The following XIRP2 variants were observed in gnomAD, a reference collection of about 807,000 sequenced individuals.
XIRP2 encodes xin actin binding repeat containing 2, also known as xin actin-binding repeat-containing protein 2.
XIRP2 carries 236 observed loss-of-function variants against 277.0 expected under a neutral mutation model. The observed-to-expected ratio is 0.85, with a 90% CI of 0.77 to 0.95. XIRP2 has a LOEUF of 0.95. Among genes scored for constraint, XIRP2 ranks in the 40% least tolerant of loss-of-function variants. The probability of loss-of-function intolerance (pLI) is 0.00; values close to 1 mark genes in which losing one functional copy is unlikely to be tolerated. For missense variants in XIRP2, 4,640 were observed against 4,157.5 expected, an observed-to-expected ratio of 1.12 and a Z score of -3.19; for synonymous variants, 1,490 against 1,416.5, an observed-to-expected ratio of 1.05 and a Z score of -1.17.
intron 5 of XIRP2, among the ~76,000 whole-genome samples, chr2:167,235,506 T>G (rs1446260427): frequency 6.6e-6 from 1 of 152,004 alleles, no homozygotes; most frequent in Non-Finnish European, 1.5e-5. Flanking sequence ...CTATCTACTG[T>G]GTACCTGGAA....
intron 2 of XIRP2, among the ~76,000 whole-genome samples, chr2:167,064,751 A>C (rs1689260720): frequency 6.6e-6 from 1 of 151,936 alleles, no homozygotes; most frequent in Non-Finnish European, 1.5e-5. Context: ...GAGGTCACAC[A>C]GCATTTGTCT....
At chr2:167,253,996 A>G (rs1695588944) in intron 9 of XIRP2, 36 bp from the exon 10 acceptor site, 1 of 1,536,836 alleles carries the variant, frequency 6.5e-7, no homozygotes, top group African/African-American at 1.4e-5. Flanking sequence ...GATTGAAGAT[A>G]ACACTACAGA....
At chr2:167,097,973 C>T (rs1354883059) in intron 2 of XIRP2, among the ~76,000 whole-genome samples, 2 of 152,118 alleles carry the variant, frequency 1.3e-5, no homozygotes, top group Non-Finnish European at 1.5e-5. Context: ...CTCTGGCTGC[C>T]CTTAACATTT....
intron 2 of XIRP2, among the ~76,000 whole-genome samples, chr2:166,952,076 A>G (rs1011261893): frequency 7.9e-5 from 12 of 152,050 alleles, no homozygotes; most frequent in Admixed American, 7.9e-4. Context: ...AAATGAGTCA[A>G]TAAAGGAAGC....
chr2:167,202,672 T>C (rs184433939), intron 3 of XIRP2, among the ~76,000 whole-genome samples: 320 of 152,308 alleles, frequency 2.1e-3, no homozygotes, highest in Non-Finnish European at 3.8e-3. Context: ...ATGTAGCAAT[T>C]TGTGACTTGG....
At chr2:167,073,094 C>T (rs1689474912) in intron 2 of XIRP2, among the ~76,000 whole-genome samples, 1 of 152,046 alleles carries the variant, frequency 6.6e-6, no homozygotes, top group African/African-American at 2.4e-5. Flanking sequence ...AAGGCTGTTA[C>T]AACATTTTAT....
chr2:167,011,969 C>T (rs949288216), intron 2 of XIRP2, among the ~76,000 whole-genome samples: 3 of 151,918 alleles, frequency 2.0e-5, no homozygotes, highest in African/African-American at 7.3e-5. Context: ...CTCTTTTCTT[C>T]TTTATTAGTC....
chr2:167,144,466 G>A (rs188473120), intron 3 of XIRP2, among the ~76,000 whole-genome samples: 2 of 151,582 alleles, frequency 1.3e-5, no homozygotes, highest in East Asian at 1.9e-4. Flanking sequence ...ACAGCCAGTC[G>A]TTCTATTTTT....
At chr2:167,147,275 T>C (rs1244595232) in intron 3 of XIRP2, among the ~76,000 whole-genome samples, 1 of 152,146 alleles carries the variant, frequency 6.6e-6, no homozygotes, top group Non-Finnish European at 1.5e-5. Context: ...AAGGGTTAAC[T>C]TAGCAGGCTT....
At chr2:167,145,997 G>T (rs16853039) in intron 3 of XIRP2, among the ~76,000 whole-genome samples, 12 of 152,018 alleles carry the variant, frequency 7.9e-5, no homozygotes, top group African/African-American at 2.7e-4. Flanking sequence ...TATTGAGCTG[G>T]ATTAAAATAT....
In XIRP2 at chr2:167,183,796, G is replaced by A. The variant is rs112540709; in HGVS notation, c.563-26939G>A. 2.6e-3 allele frequency among the ~76,000 whole-genome samples: 385 copies of A among 150,332 alleles called. 4 individuals carry two copies. Among genetic ancestry groups the A allele is most frequent in the African/African-American group, 9.0e-3 (366 of 40,744 alleles). On this transcript the variant is annotated intron_variant, in intron 3 of 10. Coordinates refer to ENST00000409195, the MANE Select transcript of XIRP2 (RefSeq NM_152381.6). ...AATATTCTGTCTCTTTGCATGCTTA[G>A]TACTTTTATAATTGAAAGTAAGCAG...
intron 3 of XIRP2, among the ~76,000 whole-genome samples, chr2:167,151,198 T>C (rs1692005749): frequency 6.6e-6 from 1 of 152,138 alleles, no homozygotes; most frequent in African/African-American, 2.4e-5. Flanking sequence ...TTGCCTGAAT[T>C]GTTTGCATTC....
At chr2:166,900,689 C>T (rs1257386760) in intron 1 of XIRP2, among the ~76,000 whole-genome samples, 1 of 152,062 alleles carries the variant, frequency 6.6e-6, no homozygotes, top group Non-Finnish European at 1.5e-5. Flanking sequence ...CCTCCAATGC[C>T]ATCACCCCTG....
chr2:167,163,356 A>G (rs73019983), intron 3 of XIRP2, among the ~76,000 whole-genome samples: 15,045 of 152,234 alleles, frequency 0.099, 793 homozygotes, highest in South Asian at 0.15. Flanking sequence ...AATTTCAGCC[A>G]TTCAAGTGGA....
chr2:167,176,791 T>C (rs948757143), intron 3 of XIRP2, among the ~76,000 whole-genome samples: 2 of 152,200 alleles, frequency 1.3e-5, no homozygotes, highest in African/African-American at 2.4e-5. Context: ...GTGAGTGGAA[T>C]TGGAATCATT....
intron 2 of XIRP2, among the ~76,000 whole-genome samples, chr2:167,067,641 A>T (rs567167435): frequency 7.3e-6 from 1 of 137,914 alleles, no homozygotes; most frequent in East Asian, 2.0e-4. Flanking sequence ...ATCTATTGCT[A>T]AAAAATGCAG....
intron 2 of XIRP2, among the ~76,000 whole-genome samples, chr2:167,017,004 G>A (rs182663874): frequency 5.2e-4 from 79 of 151,976 alleles, no homozygotes; most frequent in African/African-American, 9.6e-4. Flanking sequence ...GCTTGGTCTG[G>A]GTGTCAGTCA....
Position 166,903,705 on chromosome 2 carries a change from C to A in XIRP2, c.223C>A (p.Pro75Thr), listed in dbSNP as rs367592670. The A allele has an allele frequency of 3.1e-6, 5 of 1,613,462 alleles. No homozygotes were observed. The African/African-American group carries it at 4.0e-5, about 13-fold the overall frequency. Residue 75 changes from proline (P) to threonine (T), a missense_variant, in exon 2 of 11, where the codon CCG becomes ACG. Coordinates refer to ENST00000409195, the MANE Select transcript of XIRP2 (RefSeq NM_152381.6). The stretch of plus-strand genomic sequence containing the variant: ...AGGGGAAGAGATGTGGAGTTCGAAG[C>A]CGGAAGAGAAGGATTCTGTGGACAA... ...STGEEMWSSK[P>T]EEKDSVDKSN...
chr2:167,222,204 T>G (rs1694454514), intron 5 of XIRP2, among the ~76,000 whole-genome samples: 1 of 152,222 alleles, frequency 6.6e-6, no homozygotes, highest in African/African-American at 2.4e-5. Context: ...CCAGACATTT[T>G]AAACTTAGGA....
Sources: gnomAD v4.1 joint callset for allele counts (sites outside exome capture counted in the v4.1 genomes callset) on GRCh38, gnomAD v4.1.1 for gene constraint, MANE v1.5 for transcripts, NCBI Gene and HGNC (gene_info 2026-07-23, HGNC 2026-07-21) for gene names.